Variants in SMG5 observed in about 807,000 individuals in gnomAD.
SMG5 encodes the protein nonsense-mediated mRNA decay factor SMG5.
In SMG5, 53 loss-of-function variants were observed where a neutral mutation model predicts 122.9. The ratio of observed to expected loss-of-function variants is 0.43; its 90% CI spans 0.35 to 0.54. The LOEUF (loss-of-function observed/expected upper bound fraction) is 0.54. Among genes scored for constraint, SMG5 ranks in the 20% least tolerant of loss-of-function variants. The pLI is 0.01. For synonymous variants in SMG5, 477 were observed against 490.2 expected (o/e 0.97, Z 0.35); for missense variants, 1,153 against 1,285.6 (o/e 0.90, Z 1.58).
the SMG5 span, chr1:156,291,101 A>G: frequency 4.9e-6 from 2 of 408,228 alleles, no homozygotes; most frequent in African/African-American, 4.0e-5. Flanking sequence ...TAGCAAGACC[A>G]TGTCTCTAAA....
Position 156,278,044 on chromosome 1 carries a change from G to A in SMG5, c.178C>T (p.Arg60Cys), listed in dbSNP as rs1051211948. Residue 60 changes from arginine (R) to cysteine (C), a missense_variant, in exon 3 of 22, where the codon CGT (arginine) becomes TGT (cysteine). Arg to Cys is a radical substitution (Grantham distance 180). Around this residue, in one of 5 missense-constraint regions of SMG5, gnomAD observed 213 missense variants for 197.5 expected, o/e 1.08. Transcript: ENST00000361813. ...PENISLRNKLRELCVKLMFLH... is the reference protein window; with the variant it reads ...PENISLRNKLCELCVKLMFLH... ...AACATAAGCTTGACGCAGAGCTCAC[G>A]CAGCCTGGAGGGTGTAGAGGAGCAT... The A allele has an allele frequency of 2.4e-5, 38 of 1,613,816 alleles. No homozygotes were observed. The highest frequency in any genetic ancestry group is 3.1e-5 in the Non-Finnish European group (37 of 1,179,824).
At chr1:156,276,013 A>C (rs1044263170) in intron 4 of SMG5, among the ~76,000 whole-genome samples, 1 of 151,580 alleles carries the variant, frequency 6.6e-6, no homozygotes, top group Admixed American at 6.6e-5. Flanking sequence ...GTAGGATCTC[A>C]CTATGTTGCC....
chr1:156,249,515 G>T lies in SMG5; in HGVS notation c.*1072C>A. On this transcript the variant is annotated 3_prime_UTR_variant, in exon 22 of 22. Coordinates refer to ENST00000361813, the MANE Select transcript of SMG5 (RefSeq NM_015327.3). The stretch of plus-strand genomic sequence containing the variant: ...GCCTCCCACACACAGCCCTGCTCTT[G>T]GTGCGCCATTCACTGCCCTGAGCTA... 2.8e-6 allele frequency: 1 copy of T among 356,882 alleles called. No individual in the cohort carries two copies. The highest frequency in any genetic ancestry group is 5.6e-6 in the Non-Finnish European group (1 of 178,580). The allele number at this position is 356,882 out of a possible 1,614,324, so 22.1% of individuals were successfully genotyped here.
At chr1:156,282,488 C>G in intron 1 of SMG5, 119 bp downstream of exon 1, 1 of 1,108,730 alleles carries the variant, frequency 9.0e-7, no homozygotes, top group Non-Finnish European at 1.3e-6. Flanking sequence ...CAAAATTGCA[C>G]CCTCCTTCCT....
the SMG5 span, among the ~76,000 whole-genome samples, chr1:156,289,501 A>T: frequency 6.6e-6 from 1 of 152,182 alleles, no homozygotes; most frequent in East Asian, 1.9e-4. Context: ...AGTCCCAGCT[A>T]CTCAGGAGGC....
At chr1:156,285,818 C>G (rs138607159), upstream of SMG5, 177 of 1,613,572 alleles carry the variant, frequency 1.1e-4, 1 homozygote, top group Middle Eastern at 1.6e-4. Flanking sequence ...CCGTGAGTGG[C>G]TAAGGGCTGT....
upstream of SMG5, chr1:156,286,554 G>A (rs1440781045): frequency 2.8e-6 from 4 of 1,449,706 alleles, no homozygotes; most frequent in South Asian, 3.6e-5. Context: ...GAGAGCCAGG[G>A]TCAGGAGCTT....
intron 12 of SMG5, among the ~76,000 whole-genome samples, chr1:156,265,494 G>A (rs1207916867): frequency 6.6e-6 from 1 of 152,206 alleles, no homozygotes. Flanking sequence ...GCACAGGGAA[G>A]GAAGCTGCAG....
upstream of SMG5, chr1:156,285,495 A>G: frequency 6.2e-7 from 1 of 1,614,082 alleles, no homozygotes; most frequent in Non-Finnish European, 8.5e-7. Context: ...CCGTTCCCGG[A>G]TCCCCCTGGC....
chr1:156,251,128 G>A, intron 20 of SMG5, 132 bp from the exon 21 acceptor site: 2 of 1,264,348 alleles, frequency 1.6e-6, no homozygotes, highest in Non-Finnish European at 2.2e-6. Context: ...CTGGAAGCTG[G>A]CCCTGGAGAC....
rs776134234 is a variant in SMG5 at position 156,249,970 on chromosome 1, G to C, written c.*617C>G. 8.5e-6 allele frequency: 4 copies of C among 470,562 alleles called. No homozygotes were observed. Among genetic ancestry groups the C allele is most frequent in the South Asian group, 4.7e-5 (3 of 64,512 alleles). The allele number at this position is 470,562 out of a possible 1,614,324, so 29.1% of individuals were successfully genotyped here. On this transcript the variant is annotated 3_prime_UTR_variant, in exon 22 of 22. Coordinates refer to ENST00000361813, the MANE Select transcript of SMG5 (RefSeq NM_015327.3). Reference sequence around the variant, plus strand: ...TGTGCAGCCCCTGCAGCAGGAGGAGGAGCACACGAACCCTGACCCTGCTAC... The same window carrying C: ...TGTGCAGCCCCTGCAGCAGGAGGAGCAGCACACGAACCCTGACCCTGCTAC...
upstream of SMG5, chr1:156,282,912 G>T (rs1010304283): frequency 5.5e-6 from 3 of 542,272 alleles, no homozygotes; most frequent in Non-Finnish European, 9.7e-6. Flanking sequence ...CGCGAAACTC[G>T]TTTTCCCTCC....
the SMG5 span, chr1:156,291,025 AGCT>A: frequency 8.5e-6 from 2 of 235,862 alleles, no homozygotes; most frequent in Admixed American, 5.0e-5. Context: ...CTGTAATCCC[AGCT>A]ACTCAGGAGT....
At chr1:156,253,405 G>A (rs1661440475) in intron 17 of SMG5, 44 bp downstream of exon 17, 1 of 1,595,138 alleles carries the variant, frequency 6.3e-7, no homozygotes, top group Non-Finnish European at 8.6e-7. Context: ...TGACACAAAA[G>A]CTCTACCAAG....
chr1:156,270,811 C>G (rs1662376817), intron 7 of SMG5, among the ~76,000 whole-genome samples: 2 of 152,116 alleles, frequency 1.3e-5, no homozygotes, highest in African/African-American at 4.8e-5. Context: ...AGTTTGAGAC[C>G]AGCCTGAGCA....
At chr1:156,251,288 G>A in intron 20 of SMG5, 115 bp downstream of exon 20, 1 of 1,247,006 alleles carries the variant, frequency 8.0e-7, no homozygotes, top group Non-Finnish European at 1.2e-6. Context: ...GAGGGCCCTG[G>A]CAGGCTACGT....
the SMG5 span, among the ~76,000 whole-genome samples, chr1:156,287,986 G>A: frequency 5.3e-5 from 8 of 151,888 alleles, no homozygotes; most frequent in South Asian, 1.2e-3. Flanking sequence ...AGGCGGAGGC[G>A]GGCAGATCAT....
intron 1 of SMG5, among the ~76,000 whole-genome samples, chr1:156,279,748 G>T (rs898859251): frequency 6.6e-6 from 1 of 152,162 alleles, no homozygotes; most frequent in African/African-American, 2.4e-5. Flanking sequence ...ATGGAATTGT[G>T]GGGTATGATG....
At chr1:156,288,851 T>G in the SMG5 span, among the ~76,000 whole-genome samples, 1 of 152,208 alleles carries the variant, frequency 6.6e-6, no homozygotes, top group African/African-American at 2.4e-5. Flanking sequence ...GCCTGCCATC[T>G]TAAACTCCTG....
Sources: gnomAD v4.1 joint callset for allele counts (sites outside exome capture counted in the v4.1 genomes callset) on GRCh38, gnomAD v4.1.1 for gene constraint, gnomAD v4.1.1 regional missense constraint, MANE v1.5 for transcripts, NCBI Gene and HGNC (gene_info 2026-07-23, HGNC 2026-07-21) for gene names.